KATNIP: variants seen among roughly 807,000 people sequenced by gnomAD.
KATNIP encodes the protein katanin-interacting protein.
In KATNIP, 126 loss-of-function variants were observed where a neutral mutation model predicts 174.0. That is an observed-to-expected ratio of 0.72 (90% confidence interval 0.63 to 0.84). The LOEUF (loss-of-function observed/expected upper bound fraction) is 0.84, where lower values mean the gene tolerates loss of function less well. Among genes scored for constraint, KATNIP ranks in the 40% least tolerant of loss-of-function variants. The probability of loss-of-function intolerance (pLI) is 0.00; values close to 1 mark genes in which losing one functional copy is unlikely to be tolerated. For synonymous variants in KATNIP, 810 were observed against 835.7 expected, an observed-to-expected ratio of 0.97 and a Z score of 0.53; for missense variants, 1,958 against 2,109.7, an observed-to-expected ratio of 0.93 and a Z score of 1.41.
At chr16:27,668,526 C>G (rs2077767119) in intron 6 of KATNIP, among the ~76,000 whole-genome samples, 1 of 152,238 alleles carries the variant, frequency 6.6e-6, no homozygotes, top group African/African-American at 2.4e-5. Context: ...AAGTAAACCT[C>G]TTTTTCTTCC....
rs58619984 is a variant in KATNIP, at chr16:27,749,975, G to A, written c.3015G>A (p.Pro1005=). The A allele has an allele frequency of 1.9e-3, 3,041 of 1,614,132 alleles. 44 individuals carry two copies. The African/African-American group carries it at 0.036, about 19-fold the overall frequency. Residue 1005 remains proline (P), a synonymous_variant, in exon 16 of 28, where the codon CCG becomes CCA. Transcript: ENST00000261588. The part of the protein sequence containing the change: ...GIEIFSSKGE[P]VQISNIKADP... ...AAATATTCAGTTCCAAGGGTGAACC[G>A]GTGCAGATTTCAAACATAAAAGCAG...
chr16:27,579,275 CTG>C (rs200917405), intron 2 of KATNIP, among the ~76,000 whole-genome samples: 4,196 of 152,270 alleles, frequency 0.028, 90 homozygotes, highest in South Asian at 0.086. Flanking sequence ...ACTGTTGACT[CTG>C]TGAATTAATA....
rs758269497 is a variant in KATNIP at position 27,766,348 on chromosome 16, T to C, written c.3849T>C (p.His1283=). ...DGTNITMEDE[H]MWLIPFSPGL... is the part of the protein sequence containing the mutation. Reference sequence around the variant, plus strand: ...CCAACATCACCATGGAGGATGAGCATATGTGGCTGATCCCCTTCTCGCCGG... The same window carrying C: ...CCAACATCACCATGGAGGATGAGCACATGTGGCTGATCCCCTTCTCGCCGG... The change falls in exon 20 of 28, where the codon CAT becomes CAC. Residue 1283 remains histidine, a synonymous_variant. Coordinates refer to ENST00000261588, the MANE Select transcript of KATNIP (RefSeq NM_015202.5). 3.1e-6 allele frequency: 5 copies of C among 1,614,042 alleles called. No individual in the cohort carries two copies. The highest frequency in any genetic ancestry group is 4.2e-6 in the Non-Finnish European group (5 of 1,180,038).
At chr16:27,770,859 C>T (rs2082274136) in intron 21 of KATNIP, among the ~76,000 whole-genome samples, 1 of 152,218 alleles carries the variant, frequency 6.6e-6, no homozygotes, top group Non-Finnish European at 1.5e-5. Flanking sequence ...GAAGCCAAAG[C>T]CATCAGGGCT....
At chr16:27,598,097 C>T (rs1161641652) in intron 2 of KATNIP, among the ~76,000 whole-genome samples, 3 of 152,046 alleles carry the variant, frequency 2.0e-5, no homozygotes, top group Admixed American at 6.5e-5. Flanking sequence ...GGCGTGGTGG[C>T]GTATGCCTGT....
At position 27,632,108 on chromosome 16, in the gene KATNIP, C is replaced by T. The variant is rs183231648; in HGVS notation, c.408+946C>T. ...AGTCTTAGATCTTTTGCCCCAAATT[C>T]TGTGTTCTTGCTCATATAGTTCTGG... On this transcript the variant is annotated intron_variant, in intron 5 of 27. Transcript: ENST00000261588. Among the ~76,000 whole-genome samples the T allele has an allele frequency of 1.8e-4, 28 of 152,342 alleles. No homozygotes were observed. In the East Asian group the frequency reaches 5.0e-3, roughly 27 times the overall value.
intron 15 of KATNIP, among the ~76,000 whole-genome samples, chr16:27,747,409 C>A (rs1041486908): frequency 3.3e-5 from 5 of 151,846 alleles, no homozygotes; most frequent in Non-Finnish European, 4.4e-5. Context: ...TTAGGCACAG[C>A]TGGATCCAGG....
rs540734898 is a variant in KATNIP, at chr16:27,730,612, C to T, written c.1743+8917C>T. On this transcript the variant is annotated intron_variant, in intron 14 of 27. Transcript: ENST00000261588. The stretch of plus-strand genomic sequence containing the variant: ...ATCCCCAGAGCCTGGAATACCTGAC[C>T]CGTCTTGTTACAAACCTGCCTTTCA... Among the ~76,000 whole-genome samples the T allele has an allele frequency of 1.1e-4, 16 of 152,316 alleles. 1 individual carries two copies. The South Asian group carries it at 3.3e-3, about 32-fold the overall frequency.
rs2076671155 is a variant in KATNIP, at chr16:27,637,498, G to A, written c.408+6336G>A. ...CAGCAGCCTGAAAGAGAAGCTGTCG[G>A]GGGAGCGCTCCTTCAGCGAAGGTGG... On this transcript the variant is annotated intron_variant, in intron 5 of 27. Transcript: ENST00000261588. This position sits in a 1 kb window ranked among gnomAD's most constrained non-coding sequence, Gnocchi z 4.7. Among the ~76,000 whole-genome samples the A allele has an allele frequency of 6.6e-6, 1 of 152,188 alleles. No individual in the cohort carries two copies. The highest frequency in any genetic ancestry group is 6.5e-5 in the Admixed American group (1 of 15,282).
At chr16:27,608,399 C>CTTTTTTTTT (rs11374534) in intron 2 of KATNIP, among the ~76,000 whole-genome samples, 271 of 97,134 alleles carry the variant, frequency 2.8e-3, no homozygotes, top group East Asian at 4.7e-3. Context: ...ACTGGTGAAT[C>CTTTTTTTTT]TTTTTTTTTT....
chr16:27,628,919 T>G lies in KATNIP; in HGVS notation c.310+89T>G, dbSNP rs569683923. 36 of 1,363,962 alleles carry G rather than the reference T, an allele frequency of 2.6e-5. No homozygotes were observed. In the East Asian group the frequency reaches 8.3e-4, roughly 32 times the overall value. 84.5% of individuals were successfully genotyped at this position (1,363,962 alleles called of 1,614,324 possible). ...GCAGTGGCTCACACCTGTAATCACATCACTTTGGGAGGCTGAGGCGGGTGG... is the reference window on the plus strand; with the variant it reads ...GCAGTGGCTCACACCTGTAATCACAGCACTTTGGGAGGCTGAGGCGGGTGG... On this transcript the variant is annotated intron_variant, in intron 4 of 27. Transcript: ENST00000261588.
At chr16:27,632,461 T>C (rs1390476647) in intron 5 of KATNIP, 1 of 378,794 alleles carries the variant, frequency 2.6e-6, no homozygotes, top group African/African-American at 2.1e-5. Context: ...TTCATGCCTC[T>C]CCATGGATCC....
chr16:27,638,616 G>A (rs374571011), intron 5 of KATNIP, among the ~76,000 whole-genome samples: 4 of 152,256 alleles, frequency 2.6e-5, no homozygotes, highest in African/African-American at 9.6e-5. Flanking sequence ...TCCTCTCCCG[G>A]TCTTGGGGTT....
At chr16:27,626,024 AT>A (rs1356400653) in intron 3 of KATNIP, among the ~76,000 whole-genome samples, 1 of 151,672 alleles carries the variant, frequency 6.6e-6, no homozygotes, top group Non-Finnish European at 1.5e-5. Flanking sequence ...TAATTTTTAT[AT>A]TTTTTATAGA....
intron 6 of KATNIP, among the ~76,000 whole-genome samples, chr16:27,672,063 A>C (rs2077930992): frequency 6.6e-6 from 1 of 152,168 alleles, no homozygotes; most frequent in Admixed American, 6.5e-5. Flanking sequence ...TCTCAAAAAA[A>C]TAAATTAATA....
At chr16:27,761,272 G>A in intron 18 of KATNIP, 141 bp from the exon 19 acceptor site, 1 of 807,950 alleles carries the variant, frequency 1.2e-6, no homozygotes, top group South Asian at 1.9e-5. Flanking sequence ...GAAAGCCACA[G>A]AGCCCACCTG....
intron 6 of KATNIP, among the ~76,000 whole-genome samples, chr16:27,648,959 C>G (rs1184440644): frequency 6.6e-6 from 1 of 152,202 alleles, no homozygotes; most frequent in African/African-American, 2.4e-5. Context: ...AGGCTGGGGT[C>G]TGACTTCTAA....
At chr16:27,599,149 G>A (rs1353133896) in intron 2 of KATNIP, among the ~76,000 whole-genome samples, 3 of 152,206 alleles carry the variant, frequency 2.0e-5, no homozygotes, top group Non-Finnish European at 4.4e-5. Flanking sequence ...AGCGAGGGGT[G>A]TGTGGAAATG....
At chr16:27,673,188 CCAGGGTTTTACTCTACCTATCTGTCTTA>C (rs1473619441) in intron 6 of KATNIP, among the ~76,000 whole-genome samples, 1 of 152,122 alleles carries the variant, frequency 6.6e-6, no homozygotes. Flanking sequence ...TCATGTTATC[CCAGGGTTTTACTCTACCTATCTGTCTTA>C]CAGGGTTTTT....
Sources: allele counts gnomAD v4.1 joint callset (sites outside exome capture counted in the v4.1 genomes callset), GRCh38; gene constraint gnomAD v4.1.1; non-coding constraint Gnocchi (gnomAD v3.1); transcripts MANE v1.5; gene names NCBI Gene and HGNC (gene_info 2026-07-23, HGNC 2026-07-21).